Variants in ARFGAP3 observed in about 807,000 individuals in gnomAD.
ARFGAP3 encodes ARF GTPase activating protein 3.
In ARFGAP3, 72 loss-of-function variants were observed where a neutral mutation model predicts 75.0. That is an observed-to-expected ratio of 0.96 (90% CI 0.79 to 1.17). The LOEUF (loss-of-function observed/expected upper bound fraction) is 1.17. ARFGAP3 is among the 50% of genes most tolerant of loss of function. ARFGAP3 has a pLI of 0.00. For synonymous variants in ARFGAP3, 221 were observed against 217.9 expected, an observed-to-expected ratio of 1.01 and a Z score of -0.13; for missense variants, 620 against 626.6, an observed-to-expected ratio of 0.99 and a Z score of 0.11.
chr22:42,811,844 T>C (rs1345703330), intron 11 of ARFGAP3, among the ~76,000 whole-genome samples: 1 of 152,104 alleles, frequency 6.6e-6, no homozygotes, highest in Non-Finnish European at 1.5e-5. Flanking sequence ...CAGGAGAGAC[T>C]GACAGGCGAG....
In ARFGAP3 at chr22:42,809,644, A is replaced by AC. The variant is rs1259520941; in HGVS notation, c.1197-755_1197-754insG. ...GTTTTGGTGGTAATTACATGAATGT[A>AC]TGTGCTTGTCAGAACTGTAAGTTTA... is the stretch of plus-strand genomic sequence containing the variant. On this transcript the variant is annotated intron_variant, in intron 12 of 15. Coordinates refer to ENST00000263245, the MANE Select transcript of ARFGAP3 (RefSeq NM_014570.5). Among the ~76,000 whole-genome samples, 214 of 152,278 alleles carry AC rather than the reference A, an allele frequency of 1.4e-3. 1 individual carries two copies. Among genetic ancestry groups the AC allele is most frequent in the African/African-American group, 4.5e-3 (186 of 41,546 alleles).
chr22:42,798,157 T>C (rs190048996), intron 15 of ARFGAP3, among the ~76,000 whole-genome samples: 1 of 152,180 alleles, frequency 6.6e-6, no homozygotes, highest in Non-Finnish European at 1.5e-5. Flanking sequence ...CTAAGGGACA[T>C]GAAAGAGCTC....
At chr22:42,852,346 C>T (rs7287769) in intron 1 of ARFGAP3, among the ~76,000 whole-genome samples, 7,358 of 150,312 alleles carry the variant, frequency 0.049, 287 homozygotes, top group African/African-American at 0.11. Context: ...GGCGCCACCG[C>T]GCCTAGCCTC....
In ARFGAP3 at chr22:42,796,590, C is replaced by T. The variant is rs545266279; in HGVS notation, c.*998G>A. 2.6e-5 allele frequency: 4 copies of T among 152,312 alleles called. No homozygotes were observed. Among genetic ancestry groups the T allele is most frequent in the Non-Finnish European group, 4.4e-5 (3 of 68,026 alleles). 9.4% of individuals were successfully genotyped at this position (152,312 alleles called of 1,614,324 possible). A position where few individuals can be genotyped will look rare whatever the true frequency, so the allele number is the denominator to read the frequency against. ...AATTTGAGCTTTTAAGAAAGATTCA[C>T]AAAATATTCATTCAAAACCACATTT... On this transcript the variant is annotated 3_prime_UTR_variant, in exon 16 of 16. Coordinates refer to ENST00000263245, the MANE Select transcript of ARFGAP3 (RefSeq NM_014570.5).
At chr22:42,814,246 A>T (rs1416042002) in intron 11 of ARFGAP3, among the ~76,000 whole-genome samples, 1 of 152,266 alleles carries the variant, frequency 6.6e-6, no homozygotes, top group East Asian at 1.9e-4. Context: ...CTAATGAATA[A>T]TTTGAAAGCA....
chr22:42,830,377 C>T lies in ARFGAP3; in HGVS notation c.565+1172G>A, dbSNP rs7292767. Among the ~76,000 whole-genome samples, 764 of 152,328 alleles carry T rather than the reference C, an allele frequency of 5.0e-3. 4 individuals carry two copies. Among genetic ancestry groups the T allele is most frequent in the African/African-American group, 0.018 (728 of 41,578 alleles). On this transcript the variant is annotated intron_variant, in intron 6 of 15. Transcript: ENST00000263245. ...ACTTTCTTGATAAATACCACTTACT[C>T]TCCTACCCTCCAGCAAAATCCTTGC...
chr22:42,816,426 G>A (rs4820485), intron 11 of ARFGAP3, among the ~76,000 whole-genome samples: 59,622 of 151,546 alleles, frequency 0.39, 12,278 homozygotes, highest in Non-Finnish European at 0.45. Context: ...CTCTGTTCCT[G>A]AGCTGTGCCC....
At chr22:42,816,164 A>G (rs1364029654) in intron 11 of ARFGAP3, among the ~76,000 whole-genome samples, 2 of 152,186 alleles carry the variant, frequency 1.3e-5, no homozygotes, top group African/African-American at 4.8e-5. Context: ...CATCTCTTAA[A>G]CTGAGTTTCT....
intron 2 of ARFGAP3, among the ~76,000 whole-genome samples, chr22:42,842,304 C>CTTTT (rs58205841): frequency 8.3e-6 from 1 of 120,372 alleles, no homozygotes. Flanking sequence ...CGTGCCTGGC[C>CTTTT]TTTTTTTTTT....
At chr22:42,851,320 G>C (rs2146590649) in intron 1 of ARFGAP3, among the ~76,000 whole-genome samples, 1 of 152,364 alleles carries the variant, frequency 6.6e-6, no homozygotes, top group South Asian at 2.1e-4. Context: ...AGCAGGCCAA[G>C]TTTGAGAATC....
intron 7 of ARFGAP3, among the ~76,000 whole-genome samples, chr22:42,824,916 C>T (rs1048819549): frequency 6.6e-6 from 1 of 152,144 alleles, no homozygotes; most frequent in African/African-American, 2.4e-5. Context: ...AGATTTAGCC[C>T]CCACTTATAA....
chr22:42,825,519 C>A (rs1356749461), intron 7 of ARFGAP3, among the ~76,000 whole-genome samples: 1 of 151,508 alleles, frequency 6.6e-6, no homozygotes, highest in Non-Finnish European at 1.5e-5. Context: ...ACTAAAAATA[C>A]AAAAAGTTTG....
chr22:42,820,405 T>A (rs544896891), intron 9 of ARFGAP3, among the ~76,000 whole-genome samples: 1 of 152,166 alleles, frequency 6.6e-6, no homozygotes, highest in African/African-American at 2.4e-5. Flanking sequence ...GAGAAACAAC[T>A]ATCAACTTCA....
Position 42,817,862 on chromosome 22 carries a change from C to A in ARFGAP3, c.813-5G>T. 1 of 1,588,100 alleles carries A rather than the reference C, an allele frequency of 6.3e-7. No individual in the cohort carries two copies. The highest frequency in any genetic ancestry group is 2.3e-5 in the East Asian group (1 of 43,726). ...GCTAATCGTAATGATGAAACACTGCCAGAAAAACCAAATACTCCTTAATTT... is the reference window on the plus strand; with the variant it reads ...GCTAATCGTAATGATGAAACACTGCAAGAAAAACCAAATACTCCTTAATTT... On this transcript the variant is annotated splice_polypyrimidine_tract_variant and splice_region_variant and intron_variant, in intron 9 of 15. Coordinates refer to ENST00000263245, the MANE Select transcript of ARFGAP3 (RefSeq NM_014570.5).
chr22:42,831,471 C>T, intron 6 of ARFGAP3, 78 bp downstream of exon 6: 1 of 1,437,060 alleles, frequency 7.0e-7, no homozygotes, highest in Non-Finnish European at 9.7e-7. Flanking sequence ...TGTGCCTGGC[C>T]CATCTTAATT....
At chr22:42,849,279 T>C (rs922014551) in intron 1 of ARFGAP3, among the ~76,000 whole-genome samples, 6 of 152,144 alleles carry the variant, frequency 3.9e-5, no homozygotes, top group African/African-American at 1.4e-4. Flanking sequence ...TACACAGCAA[T>C]AGATGACTAA....
chr22:42,836,406 T>C (rs1170188565), intron 3 of ARFGAP3, among the ~76,000 whole-genome samples: 1 of 152,150 alleles, frequency 6.6e-6, no homozygotes, highest in African/African-American at 2.4e-5. Flanking sequence ...CCCAAAGTGC[T>C]GGGATTAGAA....
intron 3 of ARFGAP3, among the ~76,000 whole-genome samples, chr22:42,835,910 T>C (rs184438879): frequency 7.9e-5 from 12 of 152,262 alleles, no homozygotes; most frequent in East Asian, 1.9e-4. Flanking sequence ...ATCTCTGTCA[T>C]TGTGAACTTT....
chr22:42,827,871 C>T (rs949421872), intron 6 of ARFGAP3, among the ~76,000 whole-genome samples: 1 of 152,126 alleles, frequency 6.6e-6, no homozygotes, highest in Non-Finnish European at 1.5e-5. Flanking sequence ...ACTGCGTGAG[C>T]TCAGGAGTTC....
Sources: gnomAD v4.1 joint callset for allele counts (sites outside exome capture counted in the v4.1 genomes callset) on GRCh38, gnomAD v4.1.1 for gene constraint, MANE v1.5 for transcripts, NCBI Gene and HGNC (gene_info 2026-07-23, HGNC 2026-07-21) for gene names.